The following PCDHGA3 variants were observed in gnomAD, a reference collection of about 807,000 sequenced individuals.
The protein encoded by PCDHGA3 is protocadherin gamma subfamily A, 3, also known as protocadherin gamma-A3.
Under a neutral mutation model 58.5 loss-of-function variants are expected in PCDHGA3, and 40 were observed. That is an observed-to-expected ratio of 0.68 (90% CI 0.53 to 0.89). The LOEUF (loss-of-function observed/expected upper bound fraction) is 0.89, where lower values mean the gene tolerates loss of function less well. Ranked by LOEUF, PCDHGA3 falls within the 40% of genes least tolerant of loss-of-function variation. The pLI, the probability that PCDHGA3 is intolerant of heterozygous loss-of-function variation, is 0.00. For missense variants in PCDHGA3, 1,223 were observed against 1,195.9 expected, an observed-to-expected ratio of 1.02 and a Z score of -0.33; for synonymous variants, 530 against 525.7, an observed-to-expected ratio of 1.01 and a Z score of -0.11.
intron 1 of PCDHGA3, chr5:141,360,665 A>T (rs758728447): frequency 6.2e-7 from 1 of 1,614,024 alleles, no homozygotes; most frequent in Non-Finnish European, 8.5e-7. Context: ...GACAACGAGT[A>T]CTTTGATCTC....
At chr5:141,430,244 A>G (rs903055705) in intron 1 of PCDHGA3, among the ~76,000 whole-genome samples, 1 of 105,606 alleles carries the variant, frequency 9.5e-6, no homozygotes, top group Non-Finnish European at 1.8e-5. Context: ...AGAAACTCCT[A>G]GGGAGACATC....
At chr5:141,348,904 T>C (rs990008053) in intron 1 of PCDHGA3, among the ~76,000 whole-genome samples, 5 of 152,140 alleles carry the variant, frequency 3.3e-5, no homozygotes, top group Non-Finnish European at 7.4e-5. Context: ...GCATTTGAAA[T>C]AAAGGGATTT....
chr5:141,371,011 C>G, intron 1 of PCDHGA3: 4 of 1,613,966 alleles, frequency 2.5e-6, no homozygotes, highest in Non-Finnish European at 3.4e-6. Context: ...GAAGAGCAGC[C>G]ACATCACCAC....
At chr5:141,430,220 G>A (rs1216694883) in intron 1 of PCDHGA3, among the ~76,000 whole-genome samples, 1 of 148,674 alleles carries the variant, frequency 6.7e-6, no homozygotes, top group Non-Finnish European at 1.5e-5. Flanking sequence ...TATATTATAT[G>A]ATTTGTCAAA....
Position 141,486,650 on chromosome 5 carries a change from T to C in PCDHGA3, c.2425-8157T>C, listed in dbSNP as rs1321605826. On this transcript the variant is annotated intron_variant, in intron 1 of 3. Coordinates refer to ENST00000253812, the MANE Select transcript of PCDHGA3 (RefSeq NM_018916.4). The surrounding 1 kb of genome is among the most constrained non-coding windows in gnomAD (Gnocchi z 5.0). ...TGGCTTGAATGCGCTTATCTCCTAC[T>C]CACTCCTGGAGCCCAGGAATCGAGA... is the stretch of plus-strand genomic sequence containing the variant. The C allele has an allele frequency of 6.2e-7, 1 of 1,613,834 alleles. No individual in the cohort carries two copies. Among genetic ancestry groups the C allele is most frequent in the African/African-American group, 1.3e-5 (1 of 74,938 alleles).
intron 1 of PCDHGA3, among the ~76,000 whole-genome samples, chr5:141,467,320 T>C (rs1593065881): frequency 6.6e-6 from 1 of 152,322 alleles, no homozygotes; most frequent in African/African-American, 2.4e-5. Flanking sequence ...CCCACAGTGC[T>C]GGGATTAGAG....
intron 3 of PCDHGA3, among the ~76,000 whole-genome samples, chr5:141,509,776 C>T (rs898626809): frequency 7.2e-5 from 11 of 152,140 alleles, no homozygotes; most frequent in African/African-American, 9.7e-5. Context: ...GTCTAGTCCC[C>T]GAGATCATCA....
At chr5:141,360,050 A>G (rs1185756542) in intron 1 of PCDHGA3, 40 of 1,435,476 alleles carry the variant, frequency 2.8e-5, no homozygotes, top group Non-Finnish European at 3.5e-5. Flanking sequence ...AGAAAACAAA[A>G]GCAGGAAAAG....
At chr5:141,394,639 T>C (rs2150578020) in intron 1 of PCDHGA3, 2 of 1,611,968 alleles carry the variant, frequency 1.2e-6, no homozygotes, top group Middle Eastern at 1.7e-4. Flanking sequence ...TACCGCCTGC[T>C]CAAGGCCAGC....
chr5:141,439,632 T>C (rs1335553818), intron 1 of PCDHGA3, among the ~76,000 whole-genome samples: 1 of 152,182 alleles, frequency 6.6e-6, no homozygotes, highest in Non-Finnish European at 1.5e-5. Context: ...TCCCCAGACA[T>C]TCCGGCTTGG....
rs572282329 is a variant in PCDHGA3 at position 141,388,648 on chromosome 5, T to A, written c.2424+42191T>A. On this transcript the variant is annotated intron_variant, in intron 1 of 3. Coordinates refer to ENST00000253812, the MANE Select transcript of PCDHGA3 (RefSeq NM_018916.4). ...TACAGGGTGAGCCTTTCAGAAAACG[T>A]GTACCCGGGGACCACGGTGCTACAG... is the stretch of plus-strand genomic sequence containing the variant. 5 of 1,613,938 alleles carry A rather than the reference T, an allele frequency of 3.1e-6. No homozygotes were observed. The East Asian group carries it at 8.9e-5, about 29-fold the overall frequency.
At chr5:141,374,701 C>T (rs781441820) in intron 1 of PCDHGA3, 2 of 1,608,962 alleles carry the variant, frequency 1.2e-6, no homozygotes, top group East Asian at 2.2e-5. Context: ...AAGGAGAAGC[C>T]GTTTACCGCC....
At chr5:141,364,470 A>G in intron 1 of PCDHGA3, 1 of 1,614,038 alleles carries the variant, frequency 6.2e-7, no homozygotes, top group Non-Finnish European at 8.5e-7. Context: ...TTCGTCGGCA[A>G]CATAGCCAAG....
intron 1 of PCDHGA3, chr5:141,350,353 C>T (rs879584256): frequency 2.9e-5 from 45 of 1,563,312 alleles, no homozygotes; most frequent in Non-Finnish European, 3.8e-5. Context: ...CCCAGCAGAT[C>T]CGATACACGA....
At chr5:141,347,052 CTCCTTCCT>C (rs751921344) in intron 1 of PCDHGA3, among the ~76,000 whole-genome samples, 2 of 140,260 alleles carry the variant, frequency 1.4e-5, no homozygotes, top group African/African-American at 5.4e-5. Context: ...TCTCTCTTTC[CTCCTTCCT>C]TCCTTCCTTC....
At chr5:141,465,768 C>T (rs1414064889) in intron 1 of PCDHGA3, among the ~76,000 whole-genome samples, 1 of 151,916 alleles carries the variant, frequency 6.6e-6, no homozygotes, top group Non-Finnish European at 1.5e-5. Flanking sequence ...CATGTTTCAT[C>T]TCTTGTTACA....
chr5:141,377,024 G>A (rs944242934), intron 1 of PCDHGA3: 5 of 154,950 alleles, frequency 3.2e-5, no homozygotes, highest in African/African-American at 1.2e-4. Context: ...GAAAATTCAA[G>A]ATTGTCTTTG....
rs747655305 is a variant in PCDHGA3 at position 141,351,506 on chromosome 5, G to A, written c.2424+5049G>A. On this transcript the variant is annotated intron_variant, in intron 1 of 3. Coordinates refer to ENST00000253812, the MANE Select transcript of PCDHGA3 (RefSeq NM_018916.4). ...CCGGGAGCAGACAGCAGACTACAACGTCACAATCATAGCCACCGACAAGGG... is the reference window on the plus strand; with the variant it reads ...CCGGGAGCAGACAGCAGACTACAACATCACAATCATAGCCACCGACAAGGG... 58 of 1,613,874 alleles carry A rather than the reference G, an allele frequency of 3.6e-5. No homozygotes were observed. Among genetic ancestry groups the A allele is most frequent in the Middle Eastern group, 1.6e-4 (1 of 6,084 alleles).
chr5:141,344,367 G>C lies in PCDHGA3; in HGVS notation c.334G>C (p.Asp112His). The change falls in exon 1 of 4, where the codon GAT (aspartate) becomes CAT (histidine). Residue 112 changes from aspartate (D) to histidine (H), a missense_variant. Around this residue, in one of 3 missense-constraint regions of PCDHGA3, gnomAD observed 791 missense variants for 708.5 expected, o/e 1.12. Coordinates refer to ENST00000253812, the MANE Select transcript of PCDHGA3 (RefSeq NM_018916.4). ...CLVKINILVE[D>H]KLKIFEVEIE... ...GGTAAAAATTAACATTCTGGTTGAG[G>C]ATAAATTGAAAATTTTTGAAGTAGA... 6.2e-7 allele frequency: 1 copy of C among 1,613,568 alleles called. No homozygotes were observed. The highest frequency in any genetic ancestry group is 8.5e-7 in the Non-Finnish European group (1 of 1,179,784).
Sources: gnomAD v4.1 joint callset for allele counts (sites outside exome capture counted in the v4.1 genomes callset) on GRCh38, gnomAD v4.1.1 for gene constraint, gnomAD v4.1.1 regional missense constraint, Gnocchi (gnomAD v3.1) non-coding constraint, MANE v1.5 for transcripts, NCBI Gene and HGNC (gene_info 2026-07-23, HGNC 2026-07-21) for gene names.